CSTPP1: variants seen among roughly 807,000 people sequenced by gnomAD.
The protein encoded by CSTPP1 is UPF0705 protein C11orf49.
At chr11:47,056,407 T>C in the CSTPP1 span, among the ~76,000 whole-genome samples, 23 of 152,332 alleles carry the variant, frequency 1.5e-4, no homozygotes, top group East Asian at 4.2e-3. Context: ...TCTTCAAGAA[T>C]GTATTTACTA....
At chr11:47,064,598 C>T in the CSTPP1 span, among the ~76,000 whole-genome samples, 1 of 152,108 alleles carries the variant, frequency 6.6e-6, no homozygotes, top group Non-Finnish European at 1.5e-5. Flanking sequence ...TGAATGGTAC[C>T]CTTTGCACCC....
At chr11:47,034,268 C>T in the CSTPP1 span, among the ~76,000 whole-genome samples, 1 of 152,062 alleles carries the variant, frequency 6.6e-6, no homozygotes, top group Admixed American at 6.6e-5. Context: ...TGGTATTTAT[C>T]TTTTCCCTTC....
chr11:47,002,820 T>A, the CSTPP1 span, among the ~76,000 whole-genome samples: 2 of 152,188 alleles, frequency 1.3e-5, no homozygotes, highest in Non-Finnish European at 2.9e-5. Flanking sequence ...CATTAAAATA[T>A]CTCCCCTTAG....
chr11:47,029,050 G>T, the CSTPP1 span, among the ~76,000 whole-genome samples: 2 of 150,656 alleles, frequency 1.3e-5, no homozygotes, highest in Non-Finnish European at 3.0e-5. Context: ...TCACTATGTT[G>T]CCCAAGCTGA....
chr11:46,999,889 G>C, the CSTPP1 span, among the ~76,000 whole-genome samples: 8 of 152,120 alleles, frequency 5.3e-5, no homozygotes, highest in African/African-American at 7.2e-5. Flanking sequence ...GTCACTCCTT[G>C]GTTGTTGGTG....
chr11:47,068,694 G>A, the CSTPP1 span, among the ~76,000 whole-genome samples: 9 of 151,840 alleles, frequency 5.9e-5, no homozygotes, highest in East Asian at 1.5e-3. Context: ...ATACTACTTT[G>A]TTAGTATCTT....
At chr11:46,976,859 TG>T in the CSTPP1 span, among the ~76,000 whole-genome samples, 1 of 152,186 alleles carries the variant, frequency 6.6e-6, no homozygotes, top group African/African-American at 2.4e-5. Flanking sequence ...ACGTGTGTTT[TG>T]CTTCCTGAGA....
At chr11:47,052,414 A>G in the CSTPP1 span, 1 of 1,613,854 alleles carries the variant, frequency 6.2e-7, no homozygotes, top group Non-Finnish European at 8.5e-7. Context: ...CAGGGAACAC[A>G]CATTCTCTTT....
At chr11:46,979,869 C>T in the CSTPP1 span, among the ~76,000 whole-genome samples, 13 of 152,060 alleles carry the variant, frequency 8.5e-5, no homozygotes, top group Non-Finnish European at 1.6e-4. Flanking sequence ...GCCGCGATCA[C>T]GCCACTACAC....
chr11:46,989,229 CA>C, the CSTPP1 span, among the ~76,000 whole-genome samples: 119 of 137,342 alleles, frequency 8.7e-4, no homozygotes, highest in African/African-American at 2.5e-3. Context: ...GACTCCGTCT[CA>C]AAAAAAAAAA....
chr11:47,046,295 A>C, the CSTPP1 span, among the ~76,000 whole-genome samples: 15 of 151,948 alleles, frequency 9.9e-5, no homozygotes, highest in South Asian at 6.2e-4. Flanking sequence ...AAAAAAAAAA[A>C]AAAAACTTCT....
the CSTPP1 span, chr11:46,987,521 G>C: frequency 2.0e-6 from 1 of 502,926 alleles, no homozygotes; most frequent in Non-Finnish European, 3.6e-6. Context: ...GAATAGTTTT[G>C]ATTACAGTAG....
the CSTPP1 span, among the ~76,000 whole-genome samples, chr11:47,028,587 T>A: frequency 6.6e-6 from 1 of 152,204 alleles, no homozygotes; most frequent in African/African-American, 2.4e-5. Context: ...AGAAAGAAGC[T>A]GGTGTGTAAG....
At chr11:47,093,052 G>T in the CSTPP1 span, among the ~76,000 whole-genome samples, 58 of 152,218 alleles carry the variant, frequency 3.8e-4, no homozygotes, top group Non-Finnish European at 7.1e-4. Context: ...TTTAGAGGAT[G>T]CCAAGGGTCC....
At chr11:47,125,837 C>T in the CSTPP1 span, among the ~76,000 whole-genome samples, 10 of 152,084 alleles carry the variant, frequency 6.6e-5, no homozygotes, top group East Asian at 1.2e-3. Flanking sequence ...GCTAAGATGG[C>T]AAAACCCCGT....
chr11:47,079,914 T>C, the CSTPP1 span, among the ~76,000 whole-genome samples: 1 of 150,472 alleles, frequency 6.6e-6, no homozygotes, highest in African/African-American at 2.4e-5. Flanking sequence ...ACCAACACGG[T>C]GATACCCCGT....
the CSTPP1 span, among the ~76,000 whole-genome samples, chr11:47,016,884 C>T: frequency 2.1e-5 from 3 of 144,914 alleles, no homozygotes; most frequent in East Asian, 2.0e-4. Context: ...GCTCTGTCGC[C>T]CAGGCTGGAG....
At chr11:47,157,912 C>T in the CSTPP1 span, 34 of 1,613,688 alleles carry the variant, frequency 2.1e-5, 2 homozygotes, top group African/African-American at 4.1e-4. Context: ...GTGGAATCAA[C>T]CAAGCCCTCG....
At chr11:47,057,562 G>A in the CSTPP1 span, among the ~76,000 whole-genome samples, 1 of 152,192 alleles carries the variant, frequency 6.6e-6, no homozygotes. Context: ...AGTGGGGGCT[G>A]TGGATTCTGA....
Sources: gnomAD v4.1 joint callset for allele counts (sites outside exome capture counted in the v4.1 genomes callset) on GRCh38, gnomAD v4.1.1 for gene constraint, MANE v1.5 for transcripts, NCBI Gene and HGNC (gene_info 2026-07-23, HGNC 2026-07-21) for gene names.